The following CYTH3 variants were observed in gnomAD, a reference collection of about 807,000 sequenced individuals.
CYTH3 encodes cytohesin 3.
In CYTH3, 23 loss-of-function variants were observed where a neutral mutation model predicts 55.1. The ratio of observed to expected loss-of-function variants is 0.42; its 90% CI spans 0.30 to 0.59. CYTH3 has a LOEUF of 0.59. CYTH3 is among the 20% of genes least tolerant of loss of function. CYTH3 has a pLI of 0.20. For missense variants in CYTH3, 413 were observed against 524.8 expected (o/e 0.79, Z 2.08); for synonymous variants, 249 against 194.9 (o/e 1.28, Z -2.31).
At chr7:6,217,080 T>G (rs1340303358) in intron 1 of CYTH3, among the ~76,000 whole-genome samples, 1 of 152,082 alleles carries the variant, frequency 6.6e-6, no homozygotes, top group Non-Finnish European at 1.5e-5. Context: ...ACCCAGCTAA[T>G]TTTTCTATTT....
Position 6,164,069 on chromosome 7 carries a change from G to C in CYTH3, c.*875C>G, listed in dbSNP as rs1404210679. ...AACCATTAACTGTTATAATTTTAAT[G>C]ATTTGCTTAAAGTATTTGTGGGGCC... is the stretch of plus-strand genomic sequence containing the variant. On this transcript the variant is annotated 3_prime_UTR_variant, in exon 13 of 13. Transcript: ENST00000350796. The C allele has an allele frequency of 6.6e-6, 1 of 152,232 alleles. No homozygotes were observed. Among genetic ancestry groups the C allele is most frequent in the Non-Finnish European group, 1.5e-5 (1 of 68,044 alleles). 9.4% of individuals were successfully genotyped at this position (152,232 alleles called of 1,614,324 possible). A position where few individuals can be genotyped will look rare whatever the true frequency, so the allele number is the denominator to read the frequency against.
intron 1 of CYTH3, among the ~76,000 whole-genome samples, chr7:6,226,347 T>C (rs1281868209): frequency 6.6e-6 from 1 of 152,210 alleles, no homozygotes; most frequent in Admixed American, 6.5e-5. Context: ...GCAGATTGGA[T>C]ACAGCTGTAG....
At chr7:6,204,684 G>A (rs1337049284) in intron 1 of CYTH3, among the ~76,000 whole-genome samples, 1 of 152,144 alleles carries the variant, frequency 6.6e-6, no homozygotes, top group East Asian at 1.9e-4. Context: ...CTGGTGACTC[G>A]ATTTTGGAGA....
At position 6,164,706 on chromosome 7, in the gene CYTH3, G is replaced by A. The variant is rs1462751504; in HGVS notation, c.*238C>T. ...CCCAGCCACGGCAGGAGGCCTCGAGGATCAGTCTGGGCCACGGTACGCTCT... is the reference window on the plus strand; with the variant it reads ...CCCAGCCACGGCAGGAGGCCTCGAGAATCAGTCTGGGCCACGGTACGCTCT... On this transcript the variant is annotated 3_prime_UTR_variant, in exon 13 of 13. Transcript: ENST00000350796. 1 of 581,402 alleles carries A rather than the reference G, an allele frequency of 1.7e-6. No homozygotes were observed. Among genetic ancestry groups the A allele is most frequent in the Non-Finnish European group, 3.1e-6 (1 of 327,388 alleles). The allele number at this position is 581,402 out of a possible 1,614,324, so 36.0% of individuals were successfully genotyped here.
intron 1 of CYTH3, among the ~76,000 whole-genome samples, chr7:6,214,343 A>AC (rs1784383432): frequency 1.3e-5 from 2 of 152,230 alleles, no homozygotes; most frequent in Admixed American, 6.5e-5. Flanking sequence ...TAAGAAATAA[A>AC]TTTTAAAAGC....
chr7:6,251,443 T>C (rs1779961484), intron 1 of CYTH3, among the ~76,000 whole-genome samples: 1 of 150,482 alleles, frequency 6.6e-6, no homozygotes, highest in Non-Finnish European at 1.5e-5. Flanking sequence ...AGGCAGAAAA[T>C]CAAAACGTGT....
At chr7:6,207,379 C>A (rs1233312018) in intron 1 of CYTH3, among the ~76,000 whole-genome samples, 1 of 152,106 alleles carries the variant, frequency 6.6e-6, no homozygotes, top group South Asian at 2.1e-4. Context: ...CAGGCGTGAG[C>A]TGCCACGCCC....
At chr7:6,243,943 CT>C (rs1291593236) in intron 1 of CYTH3, among the ~76,000 whole-genome samples, 26 of 152,274 alleles carry the variant, frequency 1.7e-4, no homozygotes, top group Non-Finnish European at 1.9e-4. Flanking sequence ...AAATTCTCTC[CT>C]GTTAGGAATA....
intron 1 of CYTH3, among the ~76,000 whole-genome samples, chr7:6,195,447 GTTTTC>G (rs1189356796): frequency 6.6e-6 from 1 of 151,928 alleles, no homozygotes; most frequent in African/African-American, 2.4e-5. Context: ...CCACACTGTG[GTTTTC>G]TTTTTCTTTT....
intron 1 of CYTH3, among the ~76,000 whole-genome samples, chr7:6,235,404 C>T (rs1233181367): frequency 6.7e-6 from 1 of 150,224 alleles, no homozygotes; most frequent in Non-Finnish European, 1.5e-5. Context: ...TTGAACCTGG[C>T]TGAGGGTGCA....
At chr7:6,165,652 G>A in intron 10 of CYTH3, 36 bp from the exon 11 acceptor site, 2 of 1,613,016 alleles carry the variant, frequency 1.2e-6, no homozygotes, top group Non-Finnish European at 1.7e-6. Context: ...GCTCACTGTG[G>A]GTCACCAGCC....
intron 1 of CYTH3, among the ~76,000 whole-genome samples, chr7:6,211,808 C>T (rs1287795798): frequency 6.6e-6 from 1 of 151,760 alleles, no homozygotes; most frequent in Non-Finnish European, 1.5e-5. Flanking sequence ...ACAAGCCTGG[C>T]CAAAATGTCT....
At chr7:6,256,775 C>A (rs553157752) in intron 1 of CYTH3, among the ~76,000 whole-genome samples, 3 of 152,346 alleles carry the variant, frequency 2.0e-5, no homozygotes, top group Admixed American at 1.3e-4. Flanking sequence ...ACTTGTCAGG[C>A]AGAGCAACTA....
Position 6,196,420 on chromosome 7 carries a change from C to G in CYTH3, c.35-5889G>C, listed in dbSNP as rs1332995119. ...TTCTCAAATCTTCAAAACTATTACT[C>G]TTACGCATCTGAGGGAGCATCTTTT... On this transcript the variant is annotated intron_variant, in intron 1 of 12. Coordinates refer to ENST00000350796, the MANE Select transcript of CYTH3 (RefSeq NM_004227.4). Among the ~76,000 whole-genome samples the G allele has an allele frequency of 3.3e-5, 5 of 151,076 alleles. No individual in the cohort carries two copies. The East Asian group carries it at 9.7e-4, about 29-fold the overall frequency.
At chr7:6,253,300 C>T (rs756055345) in intron 1 of CYTH3, among the ~76,000 whole-genome samples, 1 of 151,572 alleles carries the variant, frequency 6.6e-6, no homozygotes, top group Non-Finnish European at 1.5e-5. Flanking sequence ...TCACTGCAAC[C>T]TCTGCCTCCT....
intron 1 of CYTH3, among the ~76,000 whole-genome samples, chr7:6,265,474 C>G (rs564425716): frequency 7.8e-4 from 118 of 151,970 alleles, no homozygotes; most frequent in African/African-American, 2.8e-3. Flanking sequence ...AAAAAATTAG[C>G]CGGGCATGGT....
chr7:6,174,305 G>C (rs1783276718), intron 5 of CYTH3, among the ~76,000 whole-genome samples: 1 of 151,702 alleles, frequency 6.6e-6, no homozygotes, highest in Admixed American at 6.6e-5. Flanking sequence ...AGTAGAGATG[G>C]GGTTTCTCCA....
At chr7:6,165,846 T>G (rs1262336019) in intron 9 of CYTH3, 36 bp from the exon 10 acceptor site, 2 of 1,610,686 alleles carry the variant, frequency 1.2e-6, no homozygotes, top group East Asian at 2.2e-5. Context: ...CTGCGCTCCG[T>G]GCACAGGGAG....
intron 1 of CYTH3, among the ~76,000 whole-genome samples, chr7:6,203,952 C>T (rs922013395): frequency 2.3e-4 from 35 of 151,920 alleles, no homozygotes; most frequent in Middle Eastern, 6.8e-3. Context: ...CTCCTGACCT[C>T]GTGATCCACC....
Sources: allele counts gnomAD v4.1 joint callset (sites outside exome capture counted in the v4.1 genomes callset), GRCh38; gene constraint gnomAD v4.1.1; transcripts MANE v1.5; gene names NCBI Gene and HGNC (gene_info 2026-07-23, HGNC 2026-07-21).